SERPINB7: variants seen among roughly 807,000 people sequenced by gnomAD.
SERPINB7 encodes the protein serpin B7.
Under a neutral mutation model 37.4 loss-of-function variants are expected in SERPINB7, and 31 were observed. The ratio of observed to expected loss-of-function variants is 0.83; its 90% CI spans 0.62 to 1.12. SERPINB7 has a LOEUF of 1.12. Among genes scored for constraint, SERPINB7 ranks in the 50% most tolerant of loss-of-function variants. SERPINB7 has a pLI of 0.00. For synonymous variants in SERPINB7, 163 were observed against 166.1 expected, an observed-to-expected ratio of 0.98 and a Z score of 0.14; for missense variants, 521 against 455.3, an observed-to-expected ratio of 1.14 and a Z score of -1.31.
chr18:63,800,795 C>T (rs2049538912), intron 6 of SERPINB7, 71 bp from the exon 7 acceptor site: 1 of 1,529,508 alleles, frequency 6.5e-7, no homozygotes, highest in Non-Finnish European at 8.9e-7. Flanking sequence ...GTACAATATT[C>T]TTATATGTAT....
At chr18:63,777,831 T>C (rs1267868250) in intron 1 of SERPINB7, 1 of 150,920 alleles carries the variant, frequency 6.6e-6, no homozygotes, top group East Asian at 2.0e-4. Context: ...GTAAGGTAAA[T>C]ACTTCTGAAG....
intron 7 of SERPINB7, 26 bp from the exon 8 acceptor site, chr18:63,804,211 A>C: frequency 1.3e-6 from 2 of 1,486,660 alleles, no homozygotes; most frequent in Non-Finnish European, 1.8e-6. Context: ...ATATGATTCT[A>C]AATTATCTCT....
intron 1 of SERPINB7, among the ~76,000 whole-genome samples, chr18:63,766,219 T>G (rs745398452): frequency 2.8e-4 from 43 of 152,194 alleles, no homozygotes; most frequent in Non-Finnish European, 5.1e-4. Flanking sequence ...GAGGAGGGAA[T>G]TCTTTCGTTT....
At chr18:63,770,416 GC>G (rs770760205) in intron 1 of SERPINB7, among the ~76,000 whole-genome samples, 4 of 151,694 alleles carry the variant, frequency 2.6e-5, no homozygotes, top group Non-Finnish European at 4.4e-5. Flanking sequence ...TTACTCTATG[GC>G]TTTTGTCCAG....
At chr18:63,768,426 T>C (rs1331900017) in intron 1 of SERPINB7, among the ~76,000 whole-genome samples, 2 of 152,100 alleles carry the variant, frequency 1.3e-5, no homozygotes, top group South Asian at 2.1e-4. Flanking sequence ...TATTTACCTA[T>C]ACTCCTGTGA....
At chr18:63,767,692 TGAGCTG>T (rs1420220544) in intron 1 of SERPINB7, among the ~76,000 whole-genome samples, 5 of 152,024 alleles carry the variant, frequency 3.3e-5, no homozygotes, top group African/African-American at 4.8e-5. Context: ...AGCTCATAAA[TGAGCTG>T]GAAACTGTTA....
At chr18:63,757,499 G>A (rs1106321) in intron 1 of SERPINB7, among the ~76,000 whole-genome samples, 30,726 of 152,124 alleles carry the variant, frequency 0.2, 3,665 homozygotes, top group Middle Eastern at 0.31. Flanking sequence ...TGTTTGCCAA[G>A]GACTTTAGGG....
upstream of SERPINB7, among the ~76,000 whole-genome samples, chr18:63,773,673 T>C (rs771737813): frequency 6.6e-6 from 1 of 152,112 alleles, no homozygotes; most frequent in African/African-American, 2.4e-5. Flanking sequence ...TCTATATGCA[T>C]GAACTGGCAA....
At chr18:63,765,503 T>C (rs1014413572) in intron 1 of SERPINB7, among the ~76,000 whole-genome samples, 11 of 152,184 alleles carry the variant, frequency 7.2e-5, no homozygotes, top group African/African-American at 2.7e-4. Context: ...AAGATAAGAA[T>C]AAGCCATCTC....
intron 2 of SERPINB7, among the ~76,000 whole-genome samples, chr18:63,786,392 T>C (rs1441944309): frequency 6.6e-6 from 1 of 151,514 alleles, no homozygotes; most frequent in Non-Finnish European, 1.5e-5. Context: ...TATATACGTA[T>C]ACACACACGC....
intron 1 of SERPINB7, among the ~76,000 whole-genome samples, chr18:63,760,912 C>T (rs888767906): frequency 1.3e-5 from 2 of 152,216 alleles, no homozygotes; most frequent in African/African-American, 2.4e-5. Flanking sequence ...CATGGAGAAC[C>T]TTTGCTAGGG....
At chr18:63,778,873 C>T (rs563945665) in intron 1 of SERPINB7, among the ~76,000 whole-genome samples, 6 of 152,182 alleles carry the variant, frequency 3.9e-5, no homozygotes, top group Non-Finnish European at 7.4e-5. Flanking sequence ...TCCATGAGTA[C>T]GTGCTAATTT....
chr18:63,793,232 C>G lies in SERPINB7; in HGVS notation c.291C>G (p.Ser97Arg). 6.2e-7 allele frequency: 1 copy of G among 1,608,712 alleles called. No individual in the cohort carries two copies. The highest frequency in any genetic ancestry group is 8.5e-7 in the Non-Finnish European group (1 of 1,176,854). ...CATCCCACAAGGATTATGATCTCAG[C>G]ATTGTGAATGGGCTTTTTGCTGAAA... The part of the protein sequence containing the change: ...INASHKDYDL[S>R]IVNGLFAEKV... Residue 97 changes from serine to arginine, a missense_variant, in exon 4 of 8, where the codon AGC becomes AGG. Physicochemically the swap from Ser to Arg is moderately radical, Grantham distance 110. Transcript: ENST00000398019.
intron 1 of SERPINB7, among the ~76,000 whole-genome samples, chr18:63,780,697 G>A (rs761760854): frequency 6.6e-6 from 1 of 152,136 alleles, no homozygotes; most frequent in Non-Finnish European, 1.5e-5. Context: ...AAGATATGTG[G>A]GGTGTGAATG....
In SERPINB7 at chr18:63,804,808, G is replaced by A. The variant is rs1475616646; in HGVS notation, c.*173G>A. The A allele has an allele frequency of 2.1e-5, 13 of 617,058 alleles. No homozygotes were observed. Among genetic ancestry groups the A allele is most frequent in the Non-Finnish European group, 3.3e-5 (12 of 359,058 alleles). The allele number at this position is 617,058 out of a possible 1,614,324, so 38.2% of individuals were successfully genotyped here. A position where few individuals can be genotyped will look rare whatever the true frequency, so the allele number is the denominator to read the frequency against. On this transcript the variant is annotated 3_prime_UTR_variant, in exon 8 of 8. Coordinates refer to ENST00000398019, the MANE Select transcript of SERPINB7 (RefSeq NM_003784.4). ...ACCCTTCCTAGACACCTGGTTGATTGTCCTGATCCCTGCTCTTAGCATTCT... is the reference window on the plus strand; with the variant it reads ...ACCCTTCCTAGACACCTGGTTGATTATCCTGATCCCTGCTCTTAGCATTCT...
chr18:63,774,668 A>G (rs1354841775), upstream of SERPINB7, among the ~76,000 whole-genome samples: 1 of 152,128 alleles, frequency 6.6e-6, no homozygotes, highest in Admixed American at 6.6e-5. Flanking sequence ...TGGGTGGTGC[A>G]GACGTGGCTT....
chr18:63,794,110 A>ATTTTTTTTTTTTTTTTT (rs34450022), intron 4 of SERPINB7, among the ~76,000 whole-genome samples: 35 of 105,552 alleles, frequency 3.3e-4, no homozygotes, highest in East Asian at 6.2e-4. Context: ...CATCCTGCTA[A>ATTTTTTTTTTTTTTTTT]TTTTTTTTTT....
intron 2 of SERPINB7, among the ~76,000 whole-genome samples, chr18:63,789,999 T>C (rs922324711): frequency 3.3e-5 from 5 of 152,182 alleles, no homozygotes; most frequent in Admixed American, 1.3e-4. Flanking sequence ...GTTCAAAATT[T>C]TGGATTTTGA....
rs2049239989 is a variant in SERPINB7 at position 63,775,611 on chromosome 18, C to G, written c.-124C>G. ...TGCATGGGGGAAAATACCTAGGGCTCAACAGTCTTGAGAAGTGTGGAAACA... is the reference window on the plus strand; with the variant it reads ...TGCATGGGGGAAAATACCTAGGGCTGAACAGTCTTGAGAAGTGTGGAAACA... On this transcript the variant is annotated 5_prime_UTR_variant, in exon 1 of 8. Transcript: ENST00000398019. The G allele has an allele frequency of 6.6e-6, 1 of 152,122 alleles. No individual in the cohort carries two copies. The highest frequency in any genetic ancestry group is 2.4e-5 in the African/African-American group (1 of 41,424). 9.4% of individuals were successfully genotyped at this position (152,122 alleles called of 1,614,324 possible). A position where few individuals can be genotyped will look rare whatever the true frequency, so the allele number is the denominator to read the frequency against.
Sources: allele counts gnomAD v4.1 joint callset (sites outside exome capture counted in the v4.1 genomes callset), GRCh38; gene constraint gnomAD v4.1.1; transcripts MANE v1.5; gene names NCBI Gene and HGNC (gene_info 2026-07-23, HGNC 2026-07-21).